CNTN3: variants seen among roughly 807,000 people sequenced by gnomAD.
CNTN3 encodes contactin-3.
In CNTN3, 60 loss-of-function variants were observed where a neutral mutation model predicts 119.1. The ratio of observed to expected loss-of-function variants is 0.50; its 90% confidence interval spans 0.41 to 0.62. The LOEUF (loss-of-function observed/expected upper bound fraction) is 0.62, where lower values mean the gene tolerates loss of function less well. CNTN3 is among the 20% of genes least tolerant of loss of function. The pLI is 0.00. For missense variants in CNTN3, 1,101 were observed against 1,242.4 expected (o/e 0.89, Z 1.71); for synonymous variants, 450 against 438.7 (o/e 1.03, Z -0.32).
At chr3:74,412,853 C>A (rs533403564) in intron 5 of CNTN3, among the ~76,000 whole-genome samples, 1 of 152,256 alleles carries the variant, frequency 6.6e-6, no homozygotes, top group East Asian at 1.9e-4. Context: ...AATTTTATAC[C>A]ATTTTTCATT....
chr3:74,560,944 C>T (rs1704143551), intron 1 of CNTN3, among the ~76,000 whole-genome samples: 1 of 146,730 alleles, frequency 6.8e-6, no homozygotes, highest in African/African-American at 2.5e-5. Context: ...CCAAACACTG[C>T]ACGTTCTCAC....
chr3:74,474,969 C>A (rs1447545703), intron 4 of CNTN3, among the ~76,000 whole-genome samples: 1 of 152,116 alleles, frequency 6.6e-6, no homozygotes, highest in Non-Finnish European at 1.5e-5. Flanking sequence ...CCTGAGATCT[C>A]CCCAGAAGCC....
chr3:74,449,959 A>T (rs1702117778), intron 4 of CNTN3, among the ~76,000 whole-genome samples: 1 of 152,094 alleles, frequency 6.6e-6, no homozygotes, highest in African/African-American at 2.4e-5. Context: ...TACATTTCTT[A>T]TTTTTATAAT....
intron 4 of CNTN3, among the ~76,000 whole-genome samples, chr3:74,480,951 T>C (rs1015114420): frequency 6.6e-6 from 1 of 151,162 alleles, no homozygotes; most frequent in Non-Finnish European, 1.5e-5. Context: ...GTTCAACCAA[T>C]CCACGTGAAA....
chr3:74,490,956 C>T (rs1224259446), intron 3 of CNTN3, among the ~76,000 whole-genome samples: 1 of 152,040 alleles, frequency 6.6e-6, no homozygotes, highest in African/African-American at 2.4e-5. Flanking sequence ...GGAACTCACC[C>T]CAGGTTATAT....
At chr3:74,333,209 A>T (rs1703307654) in intron 13 of CNTN3, among the ~76,000 whole-genome samples, 1 of 152,232 alleles carries the variant, frequency 6.6e-6, no homozygotes, top group South Asian at 2.1e-4. Context: ...GTAGTTAGGT[A>T]TCTAAACGTC....
Position 74,287,482 on chromosome 3 carries a change from A to G in CNTN3, c.2518-1991T>C, listed in dbSNP as rs1013706868. Among the ~76,000 whole-genome samples the G allele has an allele frequency of 2.6e-5, 4 of 152,376 alleles. No individual in the cohort carries two copies. The South Asian group carries it at 6.2e-4, about 24-fold the overall frequency. ...ATTATATCAGAAATACTCTTTTAAT[A>G]GACAAAAAGAATTATGTTCATACTA... On this transcript the variant is annotated intron_variant, in intron 19 of 22. Transcript: ENST00000263665.
rs1402093856 is a variant in CNTN3 at position 74,519,351 on chromosome 3, A to G, written c.55+1707T>C. On this transcript the variant is annotated intron_variant, in intron 2 of 22. Transcript: ENST00000263665. ...GTCTTCACATCTTACTAAAGTGGAC[A>G]CTGCTTTTTCTATATATTTGTTCGT... Among the ~76,000 whole-genome samples, 23 of 151,854 alleles carry G rather than the reference A, an allele frequency of 1.5e-4. 1 individual carries two copies. The highest frequency in any genetic ancestry group is 1.5e-3 in the Admixed American group (23 of 15,216).
chr3:74,510,338 C>G (rs1002670308), intron 2 of CNTN3, among the ~76,000 whole-genome samples: 2 of 152,020 alleles, frequency 1.3e-5, no homozygotes, highest in Admixed American at 6.6e-5. Flanking sequence ...TTCACTGTGT[C>G]CTTACAGAGG....
intron 1 of CNTN3, among the ~76,000 whole-genome samples, chr3:74,587,304 C>T (rs1704611001): frequency 6.6e-6 from 1 of 152,062 alleles, no homozygotes; most frequent in African/African-American, 2.4e-5. Context: ...GAACTATACA[C>T]CACTTTGAAT....
chr3:74,290,442 A>G (rs1212457306), intron 19 of CNTN3, among the ~76,000 whole-genome samples: 1 of 152,198 alleles, frequency 6.6e-6, no homozygotes, highest in Non-Finnish European at 1.5e-5. Context: ...GTGCATGACT[A>G]TATTAAAAAA....
intron 1 of CNTN3, among the ~76,000 whole-genome samples, chr3:74,591,630 A>T (rs1224136210): frequency 2.6e-4 from 39 of 151,534 alleles, no homozygotes; most frequent in Non-Finnish European, 1.5e-5. Context: ...TGCAAAGAAG[A>T]CTCCATCGAG....
intron 2 of CNTN3, among the ~76,000 whole-genome samples, chr3:74,509,495 G>T (rs966987942): frequency 6.6e-6 from 1 of 151,864 alleles, no homozygotes; most frequent in Non-Finnish European, 1.5e-5. Flanking sequence ...ACGGGGTTTC[G>T]CCATGTTGGC....
chr3:74,360,038 C>T (rs1305086085), intron 11 of CNTN3, among the ~76,000 whole-genome samples: 1 of 152,174 alleles, frequency 6.6e-6, no homozygotes, highest in Admixed American at 6.6e-5. Context: ...TGGTGAACCA[C>T]TCAATTCACA....
intron 4 of CNTN3, among the ~76,000 whole-genome samples, chr3:74,448,732 C>T (rs921456800): frequency 4.6e-5 from 7 of 152,050 alleles, no homozygotes; most frequent in African/African-American, 1.7e-4. Flanking sequence ...ACAAAAAGGT[C>T]TTTTATGGCT....
chr3:74,361,767 TC>T, intron 11 of CNTN3, 122 bp downstream of exon 11: 1 of 995,572 alleles, frequency 1.0e-6, no homozygotes, highest in Non-Finnish European at 1.4e-6. Context: ...CTATTTTAGT[TC>T]TTAAAGATCT....
intron 5 of CNTN3, among the ~76,000 whole-genome samples, chr3:74,375,453 C>T (rs1326163124): frequency 1.3e-5 from 2 of 152,026 alleles, no homozygotes; most frequent in Non-Finnish European, 2.9e-5. Flanking sequence ...TGCCTGAAAC[C>T]TGAAAATATG....
At chr3:74,588,309 T>A (rs1425025569) in intron 1 of CNTN3, among the ~76,000 whole-genome samples, 1 of 152,066 alleles carries the variant, frequency 6.6e-6, no homozygotes, top group Admixed American at 6.5e-5. Flanking sequence ...TATACACCAA[T>A]AACAGACAAA....
At chr3:74,281,385 C>T (rs1383545503) in intron 20 of CNTN3, among the ~76,000 whole-genome samples, 2 of 152,128 alleles carry the variant, frequency 1.3e-5, no homozygotes, top group South Asian at 2.1e-4. Flanking sequence ...CGCTGAAGTG[C>T]AGTGGCACAA....
Sources: allele counts gnomAD v4.1 joint callset (sites outside exome capture counted in the v4.1 genomes callset), GRCh38; gene constraint gnomAD v4.1.1; transcripts MANE v1.5; gene names NCBI Gene and HGNC (gene_info 2026-07-23, HGNC 2026-07-21).